CCSER1: variants seen among roughly 807,000 people sequenced by gnomAD.
The protein encoded by CCSER1 is serine-rich coiled-coil domain-containing protein 1.
Under a neutral mutation model 82.0 loss-of-function variants are expected in CCSER1, and 41 were observed. The observed-to-expected ratio is 0.50, with a 90% CI of 0.39 to 0.65. The LOEUF is 0.65. Among genes scored for constraint, CCSER1 ranks in the 30% least tolerant of loss-of-function variants. CCSER1 has a pLI of 0.00. For missense variants in CCSER1, 1,119 were observed against 1,064.2 expected (o/e 1.05, Z -0.72); for synonymous variants, 414 against 383.9 (o/e 1.08, Z -0.92).
chr4:91,182,297 C>A (rs1250477039), intron 10 of CCSER1, among the ~76,000 whole-genome samples: 2 of 152,186 alleles, frequency 1.3e-5, no homozygotes, highest in Non-Finnish European at 2.9e-5. Flanking sequence ...CAAGCATAAT[C>A]TCTACCCCAA....
chr4:90,271,865 T>A lies in CCSER1; in HGVS notation c.-41-36379T>A, dbSNP rs1444056184. Among the ~76,000 whole-genome samples the A allele has an allele frequency of 6.9e-3, 386 of 55,758 alleles. 3 individuals are homozygous for A. Among genetic ancestry groups the A allele is most frequent in the African/African-American group, 0.027 (222 of 8,100 alleles). 36.6% of individuals were successfully genotyped at this position (55,758 alleles called of 152,430 possible). ...ATATATATATATATATATATATATT[T>A]TTTTTTTTTTTTTTTTTTTTTTTTT... On this transcript the variant is annotated intron_variant, in intron 1 of 10. Transcript: ENST00000509176.
At chr4:90,747,540 G>A (rs967146865) in intron 7 of CCSER1, among the ~76,000 whole-genome samples, 4 of 152,072 alleles carry the variant, frequency 2.6e-5, no homozygotes, top group South Asian at 2.1e-4. Context: ...TCAGTGTTTA[G>A]TATGCAGAGT....
intron 9 of CCSER1, among the ~76,000 whole-genome samples, chr4:90,948,908 C>G (rs62309774): frequency 0.28 from 42,819 of 151,722 alleles, 7,297 homozygotes; most frequent in East Asian, 0.39. Context: ...TGACCAACCA[C>G]AGATGAATAG....
intron 10 of CCSER1, among the ~76,000 whole-genome samples, chr4:91,318,256 G>A (rs1012689847): frequency 6.6e-5 from 10 of 151,726 alleles, no homozygotes; most frequent in African/African-American, 2.4e-4. Context: ...AAGTTTAGGC[G>A]GTCACTGATA....
rs138508329 is a variant in CCSER1, at chr4:90,787,809, A to G, written c.2011-27953A>G. ...CATTTTGACCGGCATTTTGACTGGC[A>G]TTGTCTAGATATTTTGACTAGAAAG... On this transcript the variant is annotated intron_variant, in intron 7 of 10. Transcript: ENST00000509176. 1.1e-4 allele frequency among the ~76,000 whole-genome samples: 17 copies of G among 152,286 alleles called. No individual in the cohort carries two copies. The East Asian group carries it at 2.9e-3, about 26-fold the overall frequency.
intron 1 of CCSER1, among the ~76,000 whole-genome samples, chr4:90,306,184 T>C (rs987116412): frequency 2.0e-5 from 3 of 152,018 alleles, no homozygotes; most frequent in African/African-American, 7.2e-5. Context: ...GACCGGGGGC[T>C]GGGGTGTCGG....
At chr4:90,228,117 C>T (rs1743602357) in intron 1 of CCSER1, among the ~76,000 whole-genome samples, 1 of 152,204 alleles carries the variant, frequency 6.6e-6, no homozygotes, top group South Asian at 2.1e-4. Context: ...GGGTGGAGCC[C>T]ACCACAGCTC....
At chr4:91,063,289 A>G (rs1744108804) in intron 9 of CCSER1, among the ~76,000 whole-genome samples, 1 of 152,136 alleles carries the variant, frequency 6.6e-6, no homozygotes, top group Non-Finnish European at 1.5e-5. Context: ...TGGGATAATA[A>G]TAATATCTAA....
rs71597227 is a variant in CCSER1, at chr4:91,137,280, C to A, written c.2217+51286C>A. On this transcript the variant is annotated intron_variant, in intron 10 of 10. Coordinates refer to ENST00000509176, the MANE Select transcript of CCSER1 (RefSeq NM_001145065.2). ...TGCGGTGTTTGGTTTTTTGTTCTTG[C>A]GATAGTTTACTGAGAATGATGATTT... Among the ~76,000 whole-genome samples the A allele has an allele frequency of 5.9e-4, 49 of 83,540 alleles. 1 individual carries two copies. Among genetic ancestry groups the A allele is most frequent in the Middle Eastern group, 4.7e-3 (1 of 214 alleles). The allele number at this position is 83,540 out of a possible 152,430, so 54.8% of individuals were successfully genotyped here.
chr4:90,592,106 C>T (rs115416376), intron 5 of CCSER1, among the ~76,000 whole-genome samples: 1,939 of 152,110 alleles, frequency 0.013, 32 homozygotes, highest in African/African-American at 0.037. Flanking sequence ...ACCTAGATGA[C>T]CTGTTGATAG....
intron 10 of CCSER1, among the ~76,000 whole-genome samples, chr4:91,189,710 T>TTA (rs1339914041): frequency 6.6e-6 from 1 of 151,962 alleles, no homozygotes; most frequent in Admixed American, 6.6e-5. Flanking sequence ...TCCCAAAGGA[T>TTA]TATATATATA....
At chr4:90,169,540 T>C (rs1477067961) in intron 1 of CCSER1, among the ~76,000 whole-genome samples, 4 of 152,090 alleles carry the variant, frequency 2.6e-5, no homozygotes, top group African/African-American at 4.8e-5. Context: ...AGAGAGGGCA[T>C]CCCTGTCTTG....
chr4:91,197,908 A>G (rs974193727), intron 10 of CCSER1, among the ~76,000 whole-genome samples: 1 of 151,498 alleles, frequency 6.6e-6, no homozygotes, highest in Non-Finnish European at 1.5e-5. Context: ...TTTTGTCACC[A>G]TTGTTTTCCA....
chr4:91,411,513 TATATATATATATAA>T (rs1560650494), intron 10 of CCSER1, among the ~76,000 whole-genome samples: 8 of 130,606 alleles, frequency 6.1e-5, no homozygotes, highest in African/African-American at 2.1e-4. Context: ...TATATATATA[TATATATATATATAA>T]AATCTTGACT....
intron 10 of CCSER1, among the ~76,000 whole-genome samples, chr4:91,279,255 G>A (rs1742722407): frequency 6.6e-6 from 1 of 151,980 alleles, no homozygotes; most frequent in Non-Finnish European, 1.5e-5. Context: ...AGGCCTTTTT[G>A]AGCTTCCTGT....
intron 10 of CCSER1, among the ~76,000 whole-genome samples, chr4:91,463,592 G>A (rs1756649786): frequency 6.6e-6 from 1 of 152,148 alleles, no homozygotes; most frequent in Non-Finnish European, 1.5e-5. Flanking sequence ...TCGCAAAGAA[G>A]CTACAAACCT....
intron 7 of CCSER1, among the ~76,000 whole-genome samples, chr4:90,763,733 A>G (rs1172889136): frequency 1.3e-5 from 2 of 152,086 alleles, no homozygotes; most frequent in Non-Finnish European, 2.9e-5. Context: ...CTAGCTCATT[A>G]AGTCAAGAGT....
intron 9 of CCSER1, among the ~76,000 whole-genome samples, chr4:90,996,019 T>C (rs1486071402): frequency 6.6e-6 from 1 of 152,122 alleles, no homozygotes; most frequent in Non-Finnish European, 1.5e-5. Flanking sequence ...GCATGGTTTA[T>C]GCTCAAAATC....
At chr4:90,329,635 A>G (rs1410040962) in intron 3 of CCSER1, among the ~76,000 whole-genome samples, 1 of 152,104 alleles carries the variant, frequency 6.6e-6, no homozygotes, top group African/African-American at 2.4e-5. Context: ...TATTTTTTGA[A>G]AAGTCATACA....
Sources: allele counts gnomAD v4.1 joint callset (sites outside exome capture counted in the v4.1 genomes callset), GRCh38; gene constraint gnomAD v4.1.1; transcripts MANE v1.5; gene names NCBI Gene and HGNC (gene_info 2026-07-23, HGNC 2026-07-21).